FAM110B: variants seen among roughly 807,000 people sequenced by gnomAD.
The protein encoded by FAM110B is protein FAM110B.
A neutral mutation model predicts 20.4 loss-of-function variants in FAM110B; 6 were observed. The observed-to-expected ratio is 0.29, with a 90% CI of 0.16 to 0.58. The LOEUF is 0.58. Among genes scored for constraint, FAM110B ranks in the 20% least tolerant of loss-of-function variants. FAM110B has a pLI of 0.90. For synonymous variants in FAM110B, 226 were observed against 214.1 expected (o/e 1.06, Z -0.49); for missense variants, 434 against 498.2 (o/e 0.87, Z 1.23).
At chr8:58,125,304 C>T (rs373331573) in intron 3 of FAM110B, among the ~76,000 whole-genome samples, 3 of 152,054 alleles carry the variant, frequency 2.0e-5, no homozygotes, top group African/African-American at 2.4e-5. Context: ...GCCATGGTCC[C>T]GCCAGTGCAC....
intron 1 of FAM110B, among the ~76,000 whole-genome samples, chr8:57,996,605 A>T (rs1804188825): frequency 6.6e-6 from 1 of 152,198 alleles, no homozygotes; most frequent in Non-Finnish European, 1.5e-5. Context: ...GCCTTTCATA[A>T]GGAGACCTGG....
chr8:57,999,675 G>T (rs1251303615), intron 1 of FAM110B, among the ~76,000 whole-genome samples: 1 of 152,182 alleles, frequency 6.6e-6, no homozygotes, highest in African/African-American at 2.4e-5. Flanking sequence ...ATAAACATCA[G>T]TCAGGAAAGA....
chr8:58,033,858 T>TA (rs1245864893), intron 2 of FAM110B, among the ~76,000 whole-genome samples: 1 of 152,228 alleles, frequency 6.6e-6, no homozygotes, highest in African/African-American at 2.4e-5. Context: ...GACCGTCTCT[T>TA]ACCCTGGCTT....
At chr8:58,047,685 C>T (rs1273550870) in intron 2 of FAM110B, among the ~76,000 whole-genome samples, 1 of 142,210 alleles carries the variant, frequency 7.0e-6, no homozygotes, top group Admixed American at 7.4e-5. Flanking sequence ...GAAGAGGTAC[C>T]TATTAAATAG....
At position 58,007,237 on chromosome 8, in the gene FAM110B, G is replaced by T. The variant is rs149242730; in HGVS notation, c.-512+12431G>T. On this transcript the variant is annotated intron_variant, in intron 1 of 3. Transcript: ENST00000519262. Reference sequence around the variant, plus strand: ...TAACAGAAGTGAACTGCCCTCACAGGTGCTCTGTCCTCATGAGCCCTCTGA... The same window carrying T: ...TAACAGAAGTGAACTGCCCTCACAGTTGCTCTGTCCTCATGAGCCCTCTGA... Among the ~76,000 whole-genome samples, 931 of 152,082 alleles carry T rather than the reference G, an allele frequency of 6.1e-3. 20 individuals carry two copies. Among genetic ancestry groups the T allele is most frequent in the East Asian group, 0.022 (113 of 5,154 alleles).
chr8:58,013,775 A>G (rs992275239), intron 1 of FAM110B, among the ~76,000 whole-genome samples: 2 of 152,122 alleles, frequency 1.3e-5, no homozygotes, highest in Admixed American at 1.3e-4. Context: ...GGTTTATTTT[A>G]TCATGGAGCT....
chr8:58,024,864 TA>T, intron 1 of FAM110B, among the ~76,000 whole-genome samples: 1 of 152,350 alleles, frequency 6.6e-6, no homozygotes, highest in Admixed American at 6.5e-5. Flanking sequence ...GTATATTAGC[TA>T]ATCATTTTGG....
intron 2 of FAM110B, among the ~76,000 whole-genome samples, chr8:58,042,026 CT>C (rs1321026950): frequency 6.6e-6 from 1 of 152,200 alleles, no homozygotes; most frequent in Non-Finnish European, 1.5e-5. Context: ...CTGTTTCCTC[CT>C]GTTTACCATA....
intron 2 of FAM110B, among the ~76,000 whole-genome samples, chr8:58,033,502 A>C (rs1360652667): frequency 6.6e-6 from 1 of 152,210 alleles, no homozygotes; most frequent in Non-Finnish European, 1.5e-5. Flanking sequence ...ACTAATTTAC[A>C]TTCCCACCAA....
At chr8:58,145,403 G>C (rs1258273642) in intron 3 of FAM110B, among the ~76,000 whole-genome samples, 1 of 151,328 alleles carries the variant, frequency 6.6e-6, no homozygotes. Flanking sequence ...AGTGACTGTT[G>C]CAAGTATTCC....
chr8:58,087,946 C>T (rs1368486012), intron 3 of FAM110B, among the ~76,000 whole-genome samples: 1 of 152,104 alleles, frequency 6.6e-6, no homozygotes, highest in Non-Finnish European at 1.5e-5. Flanking sequence ...TCTTACAAAA[C>T]TAATTTGTAA....
chr8:58,038,755 C>CAAAAAAAA (rs11420646), intron 2 of FAM110B, among the ~76,000 whole-genome samples: 4 of 138,282 alleles, frequency 2.9e-5, no homozygotes, highest in African/African-American at 1.1e-4. Flanking sequence ...GACTCTGTCT[C>CAAAAAAAA]AAAAAAAAAA....
At chr8:58,083,775 G>A (rs918269255) in intron 3 of FAM110B, among the ~76,000 whole-genome samples, 1 of 152,100 alleles carries the variant, frequency 6.6e-6, no homozygotes, top group African/African-American at 2.4e-5. Context: ...GTTTGCCTGG[G>A]GGTGAAATGG....
intron 2 of FAM110B, among the ~76,000 whole-genome samples, chr8:58,067,501 C>G (rs563096522): frequency 3.3e-5 from 5 of 152,174 alleles, no homozygotes; most frequent in Non-Finnish European, 7.3e-5. Context: ...AGCCTCTCCA[C>G]GACCTTCACA....
rs75058128 is a variant in FAM110B, at chr8:58,087,040, T to A, written c.-325+11417T>A. Among the ~76,000 whole-genome samples the A allele has an allele frequency of 5.5e-3, 845 of 152,378 alleles. 3 individuals are homozygous for A. The highest frequency in any genetic ancestry group is 0.011 in the Admixed American group (162 of 15,306). ...CACCGTCTGGTTGCAGATCTGTGCC[T>A]CTAAACAGTCTTGCCAAGTGTCCAG... On this transcript the variant is annotated intron_variant, in intron 3 of 3. Coordinates refer to ENST00000519262, the MANE Select transcript of FAM110B (RefSeq NM_001377989.1).
At chr8:58,060,738 C>A (rs6989882) in intron 2 of FAM110B, among the ~76,000 whole-genome samples, 18,561 of 152,044 alleles carry the variant, frequency 0.12, 2,371 homozygotes, top group African/African-American at 0.32. Context: ...TTACAAAATG[C>A]AAAAAGATCT....
At chr8:58,106,227 C>T (rs932862028) in intron 3 of FAM110B, 2 of 151,838 alleles carry the variant, frequency 1.3e-5, no homozygotes, top group Non-Finnish European at 2.9e-5. Flanking sequence ...GTCTTCATTC[C>T]CCAAATCACT....
At chr8:57,995,307 G>C (rs924157275) in intron 1 of FAM110B, among the ~76,000 whole-genome samples, 8 of 152,178 alleles carry the variant, frequency 5.3e-5, no homozygotes, top group Non-Finnish European at 1.2e-4. Flanking sequence ...CTTTATGAGA[G>C]TATCAATACC....
At chr8:58,121,160 G>A (rs1287841213) in intron 3 of FAM110B, among the ~76,000 whole-genome samples, 1 of 152,164 alleles carries the variant, frequency 6.6e-6, no homozygotes, top group East Asian at 1.9e-4. Context: ...GCCTCCAGAT[G>A]CTGTGTGGCT....
Sources: allele counts gnomAD v4.1 joint callset (sites outside exome capture counted in the v4.1 genomes callset), GRCh38; gene constraint gnomAD v4.1.1; transcripts MANE v1.5; gene names NCBI Gene and HGNC (gene_info 2026-07-23, HGNC 2026-07-21).